The following TANK variants were observed in gnomAD, a reference collection of about 807,000 sequenced individuals.
TANK encodes the protein TRAF family member associated NFKB activator.
TANK carries 15 observed loss-of-function variants against 43.6 expected under a neutral mutation model. The ratio of observed to expected loss-of-function variants is 0.34; its 90% confidence interval spans 0.23 to 0.53. TANK has a LOEUF of 0.53. TANK is among the 20% of genes least tolerant of loss of function. The pLI is 0.94. For synonymous variants in TANK, 162 were observed against 178.2 expected (o/e 0.91, Z 0.73); for missense variants, 417 against 498.6 (o/e 0.84, Z 1.56).
At chr2:161,141,982 G>A (rs1320520007) in intron 1 of TANK, among the ~76,000 whole-genome samples, 9 of 151,950 alleles carry the variant, frequency 5.9e-5, no homozygotes, top group Non-Finnish European at 1.0e-4. Context: ...CCAAAGCCTC[G>A]TCAGCATCTA....
chr2:161,229,298 C>T (rs1280661831), intron 6 of TANK, among the ~76,000 whole-genome samples: 1 of 152,096 alleles, frequency 6.6e-6, no homozygotes, highest in Non-Finnish European at 1.5e-5. Flanking sequence ...TGACCAGGGG[C>T]CAGTCATGAA....
At chr2:161,156,503 G>T (rs1474565602), upstream of TANK, 5 of 430,076 alleles carry the variant, frequency 1.2e-5, no homozygotes, top group African/African-American at 1.1e-4. Flanking sequence ...ATTTTCCAAA[G>T]TATTCACTTT....
At chr2:161,198,616 AT>A (rs1233836736) in intron 2 of TANK, among the ~76,000 whole-genome samples, 2 of 152,340 alleles carry the variant, frequency 1.3e-5, no homozygotes, top group Non-Finnish European at 2.9e-5. Flanking sequence ...CAATGAGCAT[AT>A]CGCGAGACAA....
In TANK at chr2:161,236,044, A is replaced by C. The variant is rs1159188540; in HGVS notation, c.*526A>C. The C allele has an allele frequency of 6.6e-6, 1 of 152,146 alleles. No homozygotes were observed. The highest frequency in any genetic ancestry group is 1.5e-5 in the Non-Finnish European group (1 of 68,008). The allele number at this position is 152,146 out of a possible 1,614,324, so 9.4% of individuals were successfully genotyped here. The stretch of plus-strand genomic sequence containing the variant: ...TCTTTGTAAATATCAAACCTAATAC[A>C]TTTCTTGTCCAGTGATAAAACAACT... On this transcript the variant is annotated 3_prime_UTR_variant, in exon 8 of 8. Transcript: ENST00000392749.
chr2:161,161,097 G>T, intron 1 of TANK: 1 of 1,008,898 alleles, frequency 9.9e-7, no homozygotes, highest in Non-Finnish European at 1.4e-6. Context: ...TGGGAACCCA[G>T]GCGTTAGGTA....
chr2:161,223,349 A>G (rs1687449200), intron 4 of TANK: 1 of 152,106 alleles, frequency 6.6e-6, no homozygotes, highest in African/African-American at 2.4e-5. Context: ...GTGAAAGGCA[A>G]GAACTTGTGT....
intron 6 of TANK, among the ~76,000 whole-genome samples, chr2:161,225,120 G>T (rs1486521826): frequency 6.6e-6 from 1 of 152,108 alleles, no homozygotes; most frequent in Non-Finnish European, 1.5e-5. Flanking sequence ...TGACCTTGAA[G>T]CCACACTACC....
chr2:161,183,454 C>A (rs1247135066), intron 2 of TANK, among the ~76,000 whole-genome samples: 1 of 151,862 alleles, frequency 6.6e-6, no homozygotes, highest in East Asian at 1.9e-4. Flanking sequence ...CGTGACAATT[C>A]TATATTTCTT....
chr2:161,210,849 G>C (rs1385109854), intron 4 of TANK, among the ~76,000 whole-genome samples: 2 of 152,092 alleles, frequency 1.3e-5, no homozygotes, highest in Admixed American at 6.5e-5. Context: ...AAGAAGACAA[G>C]TTCTTACTTG....
At chr2:161,230,222 A>G (rs562699052) in intron 6 of TANK, among the ~76,000 whole-genome samples, 1 of 152,308 alleles carries the variant, frequency 6.6e-6, no homozygotes, top group African/African-American at 2.4e-5. Flanking sequence ...GCTCCTCAGA[A>G]GCTCTGTTTT....
At chr2:161,147,681 T>C (rs1028136410) in intron 1 of TANK, among the ~76,000 whole-genome samples, 5 of 149,342 alleles carry the variant, frequency 3.3e-5, no homozygotes, top group African/African-American at 1.3e-4. Flanking sequence ...ATACCTCCGT[T>C]GCCAGTGAAG....
intron 1 of TANK, chr2:161,139,664 T>C: frequency 1.0e-6 from 1 of 984,500 alleles, no homozygotes; most frequent in Non-Finnish European, 1.2e-6. Flanking sequence ...TTTCCTCTTT[T>C]TCTCTCCAAT....
intron 4 of TANK, among the ~76,000 whole-genome samples, chr2:161,217,525 A>G (rs1047922383): frequency 1.4e-4 from 21 of 149,922 alleles, no homozygotes; most frequent in African/African-American, 4.9e-4. Flanking sequence ...CTTACTACAC[A>G]TTTTTTACTC....
intron 1 of TANK, among the ~76,000 whole-genome samples, chr2:161,141,237 C>T (rs1248235560): frequency 2.0e-5 from 3 of 152,132 alleles, no homozygotes; most frequent in Non-Finnish European, 4.4e-5. Context: ...CTCCCCTCAG[C>T]CCCTGGCAAC....
intron 1 of TANK, 114 bp downstream of exon 1, chr2:161,160,600 A>C (rs1327093695): frequency 2.3e-6 from 2 of 885,154 alleles, no homozygotes; most frequent in East Asian, 3.0e-5. Flanking sequence ...GCAGGGAGAG[A>C]AGCCGAGGAG....
At chr2:161,209,565 G>C (rs1395322023) in intron 4 of TANK, among the ~76,000 whole-genome samples, 2 of 152,064 alleles carry the variant, frequency 1.3e-5, no homozygotes, top group Non-Finnish European at 2.9e-5. Context: ...GAAATAGTTT[G>C]GTTGCCAAAC....
intron 2 of TANK, among the ~76,000 whole-genome samples, chr2:161,201,545 C>T (rs570749138): frequency 1.3e-5 from 2 of 152,020 alleles, no homozygotes; most frequent in Non-Finnish European, 2.9e-5. Context: ...ATATACCTAT[C>T]AAAATAAAGT....
At chr2:161,210,403 G>A (rs1223897473) in intron 4 of TANK, among the ~76,000 whole-genome samples, 1 of 152,168 alleles carries the variant, frequency 6.6e-6, no homozygotes, top group African/African-American at 2.4e-5. Flanking sequence ...TATTGTAATA[G>A]ACAACATCTA....
At chr2:161,180,590 AATG>A (rs1301864066) in intron 2 of TANK, among the ~76,000 whole-genome samples, 2 of 152,264 alleles carry the variant, frequency 1.3e-5, no homozygotes, top group South Asian at 2.1e-4. Context: ...ACTTTTGTGA[AATG>A]ATGATGATAG....
Sources: gnomAD v4.1 joint callset for allele counts (sites outside exome capture counted in the v4.1 genomes callset) on GRCh38, gnomAD v4.1.1 for gene constraint, MANE v1.5 for transcripts, NCBI Gene and HGNC (gene_info 2026-07-23, HGNC 2026-07-21) for gene names.